KLHL2: variants seen among roughly 807,000 people sequenced by gnomAD.
KLHL2 encodes kelch-like protein 2.
In KLHL2, 15 loss-of-function variants were observed where a neutral mutation model predicts 75.8. The ratio of observed to expected loss-of-function variants is 0.20; its 90% CI spans 0.13 to 0.30. The LOEUF is 0.30. Among genes scored for constraint, KLHL2 ranks in the 10% least tolerant of loss-of-function variants. The probability of loss-of-function intolerance (pLI) is 1.00; values close to 1 mark genes in which losing one functional copy is unlikely to be tolerated. For missense variants in KLHL2, 381 were observed against 741.0 expected (o/e 0.51, Z 5.64); for synonymous variants, 214 against 251.9 (o/e 0.85, Z 1.42).
chr4:165,299,670 C>T lies in KLHL2; in HGVS notation c.921+14C>T, dbSNP rs372277155. 1.3e-6 allele frequency: 2 copies of T among 1,585,948 alleles called. No homozygotes were observed. Among genetic ancestry groups the T allele is most frequent in the Non-Finnish European group, 1.7e-6 (2 of 1,167,512 alleles). On this transcript the variant is annotated intron_variant, in intron 8 of 14. Transcript: ENST00000226725. ...AACCTTCCCAAAGTAGGATCTGTTT[C>T]TCATGCTTGTTATTACCTCATGCAA...
intron 2 of KLHL2, among the ~76,000 whole-genome samples, chr4:165,227,301 C>T (rs1426383516): frequency 2.0e-5 from 3 of 152,162 alleles, no homozygotes; most frequent in Non-Finnish European, 4.4e-5. Flanking sequence ...ATGCAGTCAT[C>T]ACTGATGCTG....
chr4:165,262,818 A>T (rs1301220303), intron 4 of KLHL2, among the ~76,000 whole-genome samples: 6 of 152,062 alleles, frequency 3.9e-5, no homozygotes, highest in Non-Finnish European at 8.8e-5. Context: ...AACTCAAGCG[A>T]TCCTCCTGTC....
chr4:165,305,578 G>A (rs1306827996), intron 8 of KLHL2, 30 bp from the exon 9 acceptor site: 1 of 1,521,188 alleles, frequency 6.6e-7, no homozygotes, highest in East Asian at 2.3e-5. Flanking sequence ...ATAGTCATTT[G>A]TTCAAGTGCT....
At chr4:165,260,122 T>C (rs1579062161) in intron 4 of KLHL2, among the ~76,000 whole-genome samples, 1 of 152,328 alleles carries the variant, frequency 6.6e-6, no homozygotes, top group South Asian at 2.1e-4. Flanking sequence ...GGCGTCATGT[T>C]AGCAAGCTGG....
chr4:165,288,231 C>G (rs1744232064), intron 5 of KLHL2, among the ~76,000 whole-genome samples: 1 of 152,082 alleles, frequency 6.6e-6, no homozygotes, highest in South Asian at 2.1e-4. Context: ...TCTAGTTTTC[C>G]TAGCACAATT....
chr4:165,253,295 A>G (rs1384390865), intron 4 of KLHL2, among the ~76,000 whole-genome samples: 1 of 152,092 alleles, frequency 6.6e-6, no homozygotes, highest in African/African-American at 2.4e-5. Context: ...CGGCCTCCCA[A>G]AGTGCTGGGA....
chr4:165,212,618 G>A (rs1737265218), intron 1 of KLHL2, among the ~76,000 whole-genome samples: 1 of 152,172 alleles, frequency 6.6e-6, no homozygotes, highest in African/African-American at 2.4e-5. Flanking sequence ...GTTGCTAAAT[G>A]TGATTTGCAT....
intron 1 of KLHL2, among the ~76,000 whole-genome samples, chr4:165,219,082 C>T (rs974142245): frequency 6.6e-6 from 1 of 152,140 alleles, no homozygotes; most frequent in Non-Finnish European, 1.5e-5. Flanking sequence ...TCATGGGACC[C>T]TGATTTTTTT....
At chr4:165,309,615 T>A (rs2126557419) in intron 9 of KLHL2, among the ~76,000 whole-genome samples, 1 of 152,346 alleles carries the variant, frequency 6.6e-6, no homozygotes, top group South Asian at 2.1e-4. Context: ...AGTGTGGCAG[T>A]GTTCCAATAA....
At position 165,289,509 on chromosome 4, in the gene KLHL2, G is replaced by GTTTT. The variant is rs1194080743; in HGVS notation, c.545-4832_545-4829dup. Among the ~76,000 whole-genome samples the GTTTT allele has an allele frequency of 1.2e-3, 131 of 112,948 alleles. 2 individuals carry two copies. Among genetic ancestry groups the GTTTT allele is most frequent in the African/African-American group, 2.8e-3 (77 of 27,810 alleles). 74.1% of individuals were successfully genotyped at this position (112,948 alleles called of 152,430 possible). ...TTCCTTTAGGCTAATTTTTGGTTTGGTTTTTTTTTTTTTTTTTTTTTGGTA... is the reference window on the plus strand; with the variant it reads ...TTCCTTTAGGCTAATTTTTGGTTTGGTTTTTTTTTTTTTTTTTTTTTTTTTGGTA... On this transcript the variant is annotated intron_variant, in intron 5 of 14. Coordinates refer to ENST00000226725, the MANE Select transcript of KLHL2 (RefSeq NM_007246.4).
intron 5 of KLHL2, among the ~76,000 whole-genome samples, chr4:165,291,540 A>C (rs1206512710): frequency 3.3e-5 from 5 of 152,182 alleles, no homozygotes; most frequent in Non-Finnish European, 7.3e-5. Flanking sequence ...ACTGTTTTGC[A>C]TATGGATGTT....
intron 3 of KLHL2, among the ~76,000 whole-genome samples, chr4:165,236,717 A>G (rs1739378353): frequency 6.6e-6 from 1 of 152,210 alleles, no homozygotes; most frequent in Admixed American, 6.5e-5. Flanking sequence ...CCATTAATAC[A>G]GTCATGGGCA....
chr4:165,299,327 G>A (rs1745170402), intron 7 of KLHL2, among the ~76,000 whole-genome samples, 180 bp from the exon 8 acceptor site: 1 of 152,034 alleles, frequency 6.6e-6, no homozygotes, highest in African/African-American at 2.4e-5. Flanking sequence ...AGATACTTGA[G>A]CATTTTTTGG....
chr4:165,264,759 T>A (rs1205029604), intron 5 of KLHL2, among the ~76,000 whole-genome samples: 3 of 93,902 alleles, frequency 3.2e-5, no homozygotes, highest in African/African-American at 4.5e-5. Flanking sequence ...TATATATATA[T>A]ATATATAAAA....
intron 5 of KLHL2, chr4:165,278,202 C>T (rs772078903): frequency 5.0e-5 from 63 of 1,248,692 alleles, no homozygotes; most frequent in South Asian, 3.2e-4. Context: ...TCCATCGTGA[C>T]GGCGGACAAA....
chr4:165,276,359 C>T (rs1249253072), intron 5 of KLHL2, among the ~76,000 whole-genome samples: 1 of 152,142 alleles, frequency 6.6e-6, no homozygotes, highest in East Asian at 1.9e-4. Flanking sequence ...TGTGTGTCCC[C>T]TCTGTCTTTG....
At chr4:165,211,511 A>G (rs1038035806) in intron 1 of KLHL2, among the ~76,000 whole-genome samples, 3 of 152,336 alleles carry the variant, frequency 2.0e-5, no homozygotes, top group Admixed American at 6.5e-5. Context: ...GAACCTTGCT[A>G]CAGGATACCC....
intron 5 of KLHL2, among the ~76,000 whole-genome samples, chr4:165,287,652 CA>C (rs1744192041): frequency 6.6e-6 from 1 of 152,106 alleles, no homozygotes; most frequent in Non-Finnish European, 1.5e-5. Context: ...TCTTTGCCAA[CA>C]ATTGTTATTT....
At chr4:165,228,011 T>G (rs1451626680) in intron 2 of KLHL2, among the ~76,000 whole-genome samples, 2 of 152,132 alleles carry the variant, frequency 1.3e-5, no homozygotes, top group Non-Finnish European at 2.9e-5. Flanking sequence ...GATTCTTGTG[T>G]CTCAGCCTCC....
Sources: gnomAD v4.1 joint callset for allele counts (sites outside exome capture counted in the v4.1 genomes callset) on GRCh38, gnomAD v4.1.1 for gene constraint, MANE v1.5 for transcripts, NCBI Gene and HGNC (gene_info 2026-07-23, HGNC 2026-07-21) for gene names.